The following ELFN1 variants were observed in gnomAD, a reference collection of about 807,000 sequenced individuals.
ELFN1 encodes the protein extracellular leucine rich repeat and fibronectin type III domain containing 1, also known as protein ELFN1.
A neutral mutation model predicts 7.6 loss-of-function variants in ELFN1; 6 were observed. That is an observed-to-expected ratio of 0.79 (90% confidence interval 0.43 to 1.56). ELFN1 has a LOEUF of 1.56. ELFN1 is among the 40% of genes most tolerant of loss of function. ELFN1 has a pLI of 0.01. For missense variants in ELFN1, 1,169 were observed against 1,232.2 expected, an observed-to-expected ratio of 0.95 and a Z score of 0.77; for synonymous variants, 657 against 588.1, an observed-to-expected ratio of 1.12 and a Z score of -1.70.
chr7:1,666,796 G>A (rs1407535585), upstream of ELFN1, among the ~76,000 whole-genome samples: 1 of 151,948 alleles, frequency 6.6e-6, no homozygotes. This position sits in a 1 kb window ranked among gnomAD's most constrained non-coding sequence, Gnocchi z 7.9. Flanking sequence ...AGCCGGCGTG[G>A]GGGGGCGCAG....
chr7:1,718,551 AG>A (rs1779904579), intron 3 of ELFN1, among the ~76,000 whole-genome samples: 1 of 152,220 alleles, frequency 6.6e-6, no homozygotes, highest in Non-Finnish European at 1.5e-5. Context: ...GGGTGCCCAG[AG>A]AGACACCGAC....
At chr7:1,668,832 C>T (rs1411039965), upstream of ELFN1, among the ~76,000 whole-genome samples, 1 of 152,274 alleles carries the variant, frequency 6.6e-6, no homozygotes, top group Admixed American at 6.5e-5. Flanking sequence ...GTGTTCCAAA[C>T]CACCGGTGCC....
chr7:1,698,388 G>A (rs184694830), intron 2 of ELFN1, among the ~76,000 whole-genome samples: 70 of 152,278 alleles, frequency 4.6e-4, no homozygotes, highest in African/African-American at 1.6e-3. Flanking sequence ...AAATTAGCAC[G>A]TCAGCTTCCT....
intron 2 of ELFN1, among the ~76,000 whole-genome samples, chr7:1,697,763 G>C (rs1205723151): frequency 6.6e-6 from 1 of 152,158 alleles, no homozygotes; most frequent in East Asian, 1.9e-4. Context: ...TGTGTCACCT[G>C]AACAGATTTT....
rs780207326 is a variant in ELFN1 at position 1,744,618 on chromosome 7, G to A, written c.22G>A (p.Ala8Thr). 184 of 1,542,264 alleles carry A rather than the reference G, an allele frequency of 1.2e-4. 1 individual carries two copies. Among genetic ancestry groups the A allele is most frequent in the Non-Finnish European group, 1.4e-4 (164 of 1,142,922 alleles). The change falls in exon 4 of 4, where the codon GCG becomes ACG. Residue 8 changes from alanine (A) to threonine (T), a missense_variant. This residue lies in a region of ELFN1 where 255 missense variants were observed against 359.6 expected (regional missense o/e 0.71). Transcript: ENST00000424383. MAGRGWG[A>T]LWVCVAAATL... is the part of the protein sequence containing the mutation. ...CCCGATGGCCGGGCGTGGGTGGGGCGCGCTGTGGGTGTGCGTGGCGGCCGC... is the reference window on the plus strand; with the variant it reads ...CCCGATGGCCGGGCGTGGGTGGGGCACGCTGTGGGTGTGCGTGGCGGCCGC...
chr7:1,685,664 T>C (rs545577358), intron 1 of ELFN1, among the ~76,000 whole-genome samples: 1 of 151,872 alleles, frequency 6.6e-6, no homozygotes, highest in African/African-American at 2.4e-5. Flanking sequence ...TTTCTGTCTC[T>C]TCATTGAGGT....
rs1041887956 is a variant in ELFN1 at position 1,747,159 on chromosome 7, C to A, written c.*76C>A. 117 of 1,375,820 alleles carry A rather than the reference C, an allele frequency of 8.5e-5. 2 individuals carry two copies. The East Asian group carries it at 3.2e-3, about 38-fold the overall frequency. The allele number at this position is 1,375,820 out of a possible 1,614,324, so 85.2% of individuals were successfully genotyped here. Reference sequence around the variant, plus strand: ...CCCAGAGACTCAGCACCAAACCCAACACACGCACGCCACCACAGCAACTGT... The same window carrying A: ...CCCAGAGACTCAGCACCAAACCCAAAACACGCACGCCACCACAGCAACTGT... On this transcript the variant is annotated 3_prime_UTR_variant, in exon 4 of 4. Transcript: ENST00000424383.
chr7:1,692,898 A>G (rs1385510338), intron 2 of ELFN1: 1 of 181,474 alleles, frequency 5.5e-6, no homozygotes. Context: ...TGGGGGCCAC[A>G]TCAGCTTCCG....
intron 2 of ELFN1, among the ~76,000 whole-genome samples, chr7:1,704,796 G>C (rs1489636028): frequency 6.6e-6 from 1 of 152,106 alleles, no homozygotes; most frequent in Non-Finnish European, 1.5e-5. Flanking sequence ...TCACCTGTCT[G>C]CTGAGGGCCT....
At chr7:1,707,612 G>A (rs1779563038) in intron 2 of ELFN1, among the ~76,000 whole-genome samples, 1 of 152,200 alleles carries the variant, frequency 6.6e-6, no homozygotes, top group Admixed American at 6.5e-5. Context: ...GTGTGGGCCT[G>A]GAAGCCTCCT....
rs540589022 is a variant in ELFN1, at chr7:1,713,032, C to A, written c.-294+3780C>A. ...AGTCTCCGGAACACCGATGCTGCAT[C>A]CATGTTAGTTCTTTCCTTCCTCCCA... On this transcript the variant is annotated intron_variant, in intron 3 of 3. Transcript: ENST00000424383. Among the ~76,000 whole-genome samples, 3 of 152,334 alleles carry A rather than the reference C, an allele frequency of 2.0e-5. No homozygotes were observed. In the East Asian group the frequency reaches 5.8e-4, roughly 29 times the overall value.
At position 1,745,466 on chromosome 7, in the gene ELFN1, C is replaced by T. The variant is rs908734687; in HGVS notation, c.870C>T (p.Ala290=). 50 of 1,541,644 alleles carry T rather than the reference C, an allele frequency of 3.2e-5. No homozygotes were observed. Among genetic ancestry groups the T allele is most frequent in the Admixed American group, 1.2e-4 (6 of 50,972 alleles). The change falls in exon 4 of 4, where the codon GCC becomes GCT. Residue 290 remains alanine, a synonymous_variant. Transcript: ENST00000424383. Reference sequence around the variant, plus strand: ...CGGAGCCCAGTGACATGCCCTGTGCCGATGATGAGTGCTTCTCCGGGGACG... The same window carrying T: ...CGGAGCCCAGTGACATGCCCTGTGCTGATGATGAGTGCTTCTCCGGGGACG... ...PPPEPSDMPC[A]DDECFSGDGT... is the part of the protein sequence containing the mutation.
rs1881865 is a variant in ELFN1, at chr7:1,673,184, G to T, written c.-549+2830G>T. 0.43 allele frequency among the ~76,000 whole-genome samples: 65,575 copies of T among 151,960 alleles called. 15,607 individuals are homozygous for T. The highest frequency in any genetic ancestry group is 0.63 in the African/African-American group (26,195 of 41,442). ...GCCTTGGGTGGGTGTTTGTGGGGGT[G>T]GCTGGTGGTGGAGCCACTGCAGTGG... On this transcript the variant is annotated intron_variant, in intron 1 of 3. Transcript: ENST00000424383. This position sits in a 1 kb window ranked among gnomAD's most constrained non-coding sequence, Gnocchi z 4.7.
At chr7:1,743,607 C>T (rs531522718) in intron 3 of ELFN1, among the ~76,000 whole-genome samples, 2 of 152,268 alleles carry the variant, frequency 1.3e-5, no homozygotes, top group East Asian at 1.9e-4. Flanking sequence ...GAGCTCAGAC[C>T]GAGACCTGGC....
rs1051394044 is a variant in ELFN1 at position 1,735,053 on chromosome 7, C to T, written c.-293-9251C>T. Among the ~76,000 whole-genome samples the T allele has an allele frequency of 2.6e-5, 4 of 152,108 alleles. No homozygotes were observed. Among genetic ancestry groups the T allele is most frequent in the African/African-American group, 9.7e-5 (4 of 41,414 alleles). ...CTGTTGCCGCCTTCCTGGGCCTTGC[C>T]GTGGGGGAGTCTCAACTTCCTGGCT... On this transcript the variant is annotated intron_variant, in intron 3 of 3. Coordinates refer to ENST00000424383, the MANE Select transcript of ELFN1 (RefSeq NM_001128636.4). This position sits in a 1 kb window ranked among gnomAD's most constrained non-coding sequence, Gnocchi z 5.9.
intron 2 of ELFN1, among the ~76,000 whole-genome samples, chr7:1,704,492 C>A (rs1422861332): frequency 6.6e-6 from 1 of 152,168 alleles, no homozygotes; most frequent in Non-Finnish European, 1.5e-5. Context: ...CACAGCCAGA[C>A]CCTCCGTAAA....
intron 2 of ELFN1, among the ~76,000 whole-genome samples, chr7:1,701,398 A>G (rs1050699507): frequency 1.3e-5 from 2 of 152,194 alleles, no homozygotes; most frequent in African/African-American, 4.8e-5. Flanking sequence ...TTTGTTGCCC[A>G]GGCTAGCTTT....
intron 3 of ELFN1, among the ~76,000 whole-genome samples, chr7:1,724,949 G>C (rs6460799): frequency 0.43 from 65,523 of 152,118 alleles, 17,630 homozygotes; most frequent in African/African-American, 0.77. Flanking sequence ...GCCCTGATGT[G>C]AGGTGCTAGC....
At chr7:1,720,123 C>T (rs369475964) in intron 3 of ELFN1, among the ~76,000 whole-genome samples, 3 of 152,376 alleles carry the variant, frequency 2.0e-5, no homozygotes, top group African/African-American at 7.2e-5. Context: ...CTTTGCGAGC[C>T]TGATGCTGCC....
Sources: allele counts gnomAD v4.1 joint callset (sites outside exome capture counted in the v4.1 genomes callset), GRCh38; gene constraint gnomAD v4.1.1; regional missense constraint gnomAD v4.1.1; non-coding constraint Gnocchi (gnomAD v3.1); transcripts MANE v1.5; gene names NCBI Gene and HGNC (gene_info 2026-07-23, HGNC 2026-07-21).